The following MAGI2 variants were observed in gnomAD, a reference collection of about 807,000 sequenced individuals.
MAGI2 encodes the protein membrane-associated guanylate kinase, WW and PDZ domain-containing protein 2.
MAGI2 carries 35 observed loss-of-function variants against 133.3 expected under a neutral mutation model. That is an observed-to-expected ratio of 0.26 (90% CI 0.20 to 0.35). The LOEUF is 0.35. Ranked by LOEUF, MAGI2 falls within the 10% of genes least tolerant of loss-of-function variation. MAGI2 has a pLI of 1.00. For missense variants in MAGI2, 1,636 were observed against 1,863.4 expected (o/e 0.88, Z 2.25); for synonymous variants, 729 against 710.6 (o/e 1.03, Z -0.41).
chr7:78,920,608 C>T lies in MAGI2; in HGVS notation c.418+86482G>A, dbSNP rs1415566050. ...GGAAATAGTCTCTATGTTCTGTTAC[C>T]TACTGTGTCTGGTTTAGTTCTACAT... On this transcript the variant is annotated intron_variant, in intron 2 of 21. Transcript: ENST00000354212. Among the ~76,000 whole-genome samples, 5 of 152,092 alleles carry T rather than the reference C, an allele frequency of 3.3e-5. No homozygotes were observed. In the East Asian group the frequency reaches 7.7e-4, roughly 24 times the overall value.
chr7:78,447,529 A>C (rs865919943), intron 6 of MAGI2, among the ~76,000 whole-genome samples: 53 of 152,188 alleles, frequency 3.5e-4, no homozygotes, highest in Middle Eastern at 6.8e-3. Context: ...ATTGCACTGG[A>C]TACCCAATGG....
intron 4 of MAGI2, among the ~76,000 whole-genome samples, chr7:78,511,960 A>T (rs930430477): frequency 2.6e-5 from 4 of 151,538 alleles, no homozygotes; most frequent in African/African-American, 9.7e-5. Context: ...AACAAAAACA[A>T]AAACAGAAAA....
At chr7:78,491,904 T>C (rs1793652194) in intron 5 of MAGI2, among the ~76,000 whole-genome samples, 1 of 151,514 alleles carries the variant, frequency 6.6e-6, no homozygotes, top group Non-Finnish European at 1.5e-5. Flanking sequence ...TGTGTGTGTG[T>C]GTGTGTGTGT....
At chr7:78,480,805 C>T (rs1218344390) in intron 6 of MAGI2, among the ~76,000 whole-genome samples, 1 of 151,824 alleles carries the variant, frequency 6.6e-6, no homozygotes, top group African/African-American at 2.4e-5. Context: ...AAATTAAAAA[C>T]ACAATACCCA....
chr7:79,441,718 C>A (rs1848508711), intron 1 of MAGI2, among the ~76,000 whole-genome samples: 1 of 151,958 alleles, frequency 6.6e-6, no homozygotes, highest in South Asian at 2.1e-4. Context: ...TTGTGGGATC[C>A]TTTCCACTTA....
intron 6 of MAGI2, among the ~76,000 whole-genome samples, chr7:78,481,605 G>A (rs1243828074): frequency 6.6e-6 from 1 of 151,760 alleles, no homozygotes; most frequent in Non-Finnish European, 1.5e-5. Context: ...TAAACCCATA[G>A]ATGAACAGAA....
At chr7:78,691,020 A>G (rs572296958) in intron 2 of MAGI2, among the ~76,000 whole-genome samples, 1 of 152,270 alleles carries the variant, frequency 6.6e-6, no homozygotes, top group Admixed American at 6.5e-5. Flanking sequence ...TCTTTTCCAT[A>G]TTCTTTTTAA....
intron 2 of MAGI2, among the ~76,000 whole-genome samples, chr7:78,968,247 TC>T (rs1249970376): frequency 2.6e-5 from 4 of 152,126 alleles, no homozygotes; most frequent in Non-Finnish European, 5.9e-5. Flanking sequence ...CTTTATGGTT[TC>T]CTATGAATTT....
intron 2 of MAGI2, among the ~76,000 whole-genome samples, chr7:78,974,632 A>G (rs556757448): frequency 1.3e-5 from 2 of 151,988 alleles, no homozygotes; most frequent in Non-Finnish European, 2.9e-5. Context: ...TGGAAAATAT[A>G]GAGTATGTCT....
At chr7:79,011,244 C>T (rs1808057582) in intron 1 of MAGI2, among the ~76,000 whole-genome samples, 1 of 152,026 alleles carries the variant, frequency 6.6e-6, no homozygotes, top group African/African-American at 2.4e-5. Flanking sequence ...CAGGAATGCC[C>T]TCAGTAGAAA....
chr7:78,783,910 T>C (rs1434335061), intron 2 of MAGI2, among the ~76,000 whole-genome samples: 1 of 152,214 alleles, frequency 6.6e-6, no homozygotes, highest in East Asian at 1.9e-4. Context: ...ATGTCAAGCT[T>C]AGAGACACAC....
chr7:79,100,446 T>C (rs904056982), intron 1 of MAGI2, among the ~76,000 whole-genome samples: 1 of 151,778 alleles, frequency 6.6e-6, no homozygotes, highest in Non-Finnish European at 1.5e-5. Flanking sequence ...TTTCCATTCA[T>C]ATTTTTTAGA....
intron 9 of MAGI2, among the ~76,000 whole-genome samples, chr7:78,321,076 C>G (rs1272681841): frequency 1.3e-5 from 2 of 152,090 alleles, no homozygotes; most frequent in Non-Finnish European, 2.9e-5. Context: ...TGTGAAGGAC[C>G]TCTTCAAGGA....
intron 2 of MAGI2, among the ~76,000 whole-genome samples, chr7:78,907,987 TACAAA>T: frequency 6.6e-6 from 1 of 152,166 alleles, no homozygotes; most frequent in African/African-American, 2.4e-5. Flanking sequence ...CATATGAAAA[TACAAA>T]ACAAATGTTC....
chr7:78,640,258 A>G (rs1026613745), intron 2 of MAGI2, among the ~76,000 whole-genome samples: 6 of 152,170 alleles, frequency 3.9e-5, no homozygotes, highest in African/African-American at 1.4e-4. Flanking sequence ...ATTTTTCCAT[A>G]AAACTATCAG....
intron 2 of MAGI2, among the ~76,000 whole-genome samples, chr7:78,863,392 G>A (rs1388278898): frequency 2.6e-5 from 4 of 152,232 alleles, no homozygotes; most frequent in Admixed American, 2.0e-4. Context: ...GCAAAGGGGA[G>A]CCAGTGTGTG....
At chr7:79,441,778 G>T (rs1848512458) in intron 1 of MAGI2, among the ~76,000 whole-genome samples, 1 of 152,000 alleles carries the variant, frequency 6.6e-6, no homozygotes, top group Non-Finnish European at 1.5e-5. Flanking sequence ...CCAAAGCAAT[G>T]CCAGTACTTG....
At chr7:78,316,272 A>G (rs1312610973) in intron 9 of MAGI2, among the ~76,000 whole-genome samples, 1 of 152,216 alleles carries the variant, frequency 6.6e-6, no homozygotes, top group Non-Finnish European at 1.5e-5. Flanking sequence ...TAGCCCAGTA[A>G]TAAAACTGGG....
chr7:78,110,094 G>A (rs1192518360), intron 20 of MAGI2, among the ~76,000 whole-genome samples: 4 of 152,100 alleles, frequency 2.6e-5, no homozygotes, highest in African/African-American at 9.7e-5. Flanking sequence ...CCTGATAGAA[G>A]TACATTTTCC....
Sources: allele counts gnomAD v4.1 joint callset (sites outside exome capture counted in the v4.1 genomes callset), GRCh38; gene constraint gnomAD v4.1.1; transcripts MANE v1.5; gene names NCBI Gene and HGNC (gene_info 2026-07-23, HGNC 2026-07-21).